Variants in ALK observed in about 807,000 individuals in gnomAD.
ALK encodes ALK tyrosine kinase receptor.
A neutral mutation model predicts 163.1 loss-of-function variants in ALK; 74 were observed. The observed-to-expected ratio is 0.45, with a 90% CI of 0.38 to 0.55. The LOEUF (loss-of-function observed/expected upper bound fraction) is 0.55. ALK is among the 20% of genes least tolerant of loss of function. The pLI, the probability that ALK is intolerant of heterozygous loss-of-function variation, is 0.00. For synonymous variants in ALK, 960 were observed against 843.2 expected (o/e 1.14, Z -2.40); for missense variants, 2,063 against 2,105.3 (o/e 0.98, Z 0.39).
intron 11 of ALK, among the ~76,000 whole-genome samples, chr2:29,255,617 C>T (rs1050686048): frequency 2.6e-5 from 4 of 152,106 alleles, no homozygotes; most frequent in Admixed American, 1.3e-4. Flanking sequence ...TCCTCCTTCT[C>T]GGTCCAAGGG....
intron 3 of ALK, among the ~76,000 whole-genome samples, chr2:29,579,570 C>T (rs1053870661): frequency 2.6e-5 from 4 of 152,332 alleles, no homozygotes; most frequent in African/African-American, 9.6e-5. Context: ...GCGATGTCCT[C>T]TATACACTTT....
At chr2:29,846,202 C>T (rs1665838632) in intron 1 of ALK, among the ~76,000 whole-genome samples, 2 of 152,286 alleles carry the variant, frequency 1.3e-5, no homozygotes, top group South Asian at 2.1e-4. Context: ...CTTGAACACA[C>T]CACGCTGGTT....
At chr2:29,718,018 T>C (rs1679312407) in intron 1 of ALK, among the ~76,000 whole-genome samples, 2 of 152,204 alleles carry the variant, frequency 1.3e-5, no homozygotes, top group Admixed American at 6.5e-5. Context: ...CTGCCTATAA[T>C]AATTTGTGCA....
intron 1 of ALK, among the ~76,000 whole-genome samples, chr2:29,778,875 G>T (rs1681253831): frequency 6.6e-6 from 1 of 152,254 alleles, no homozygotes; most frequent in Non-Finnish European, 1.5e-5. Flanking sequence ...AAACCTTAAG[G>T]CCGGGTGCGG....
chr2:29,507,069 C>T (rs1367876565), intron 4 of ALK, among the ~76,000 whole-genome samples: 1 of 152,152 alleles, frequency 6.6e-6, no homozygotes, highest in Non-Finnish European at 1.5e-5. Context: ...GAGGTATTTG[C>T]ACAACCATGA....
At chr2:29,473,622 G>A (rs995314384) in intron 4 of ALK, among the ~76,000 whole-genome samples, 2 of 152,048 alleles carry the variant, frequency 1.3e-5, no homozygotes, top group African/African-American at 4.8e-5. Context: ...ATAAGCATAT[G>A]AAAGGTGTTC....
At chr2:29,284,865 TCTC>T (rs1362231130) in intron 9 of ALK, among the ~76,000 whole-genome samples, 1 of 152,148 alleles carries the variant, frequency 6.6e-6, no homozygotes, top group African/African-American at 2.4e-5. Flanking sequence ...CCGCATCTCT[TCTC>T]CTCTTCTTGA....
intron 4 of ALK, among the ~76,000 whole-genome samples, chr2:29,519,649 T>C (rs572089905): frequency 2.2e-4 from 33 of 152,160 alleles, no homozygotes; most frequent in Non-Finnish European, 3.1e-4. Flanking sequence ...AGAAAGTTGA[T>C]AGACAAGTGA....
intron 3 of ALK, among the ~76,000 whole-genome samples, chr2:29,583,353 T>C (rs1264829316): frequency 6.6e-6 from 1 of 152,142 alleles, no homozygotes; most frequent in African/African-American, 2.4e-5. Context: ...TCTCTGTTAG[T>C]CATACAGATA....
In ALK at chr2:29,880,924, A is replaced by G. The variant is rs537645225; in HGVS notation, c.667+39069T>C. ...AGCTCTCTGGATTAAAGGGTCTCTA[A>G]ATTTCCTTCCAGAGTTAACTTTTTA... On this transcript the variant is annotated intron_variant, in intron 1 of 28. Coordinates refer to ENST00000389048, the MANE Select transcript of ALK (RefSeq NM_004304.5). Among the ~76,000 whole-genome samples the G allele has an allele frequency of 2.6e-4, 40 of 152,244 alleles. No individual in the cohort carries two copies. In the East Asian group the frequency reaches 6.0e-3, roughly 23 times the overall value.
chr2:29,634,264 A>G (rs1676462472), intron 3 of ALK, among the ~76,000 whole-genome samples: 1 of 152,152 alleles, frequency 6.6e-6, no homozygotes, highest in Non-Finnish European at 1.5e-5. Flanking sequence ...CTGGTTTCCA[A>G]TTCATTTTAT....
intron 4 of ALK, among the ~76,000 whole-genome samples, chr2:29,472,095 G>A (rs1457798762): frequency 6.6e-6 from 1 of 152,182 alleles, no homozygotes; most frequent in Non-Finnish European, 1.5e-5. Flanking sequence ...CTGTCTTGCA[G>A]GACGGTCACC....
rs2148166304 is a variant in ALK, at chr2:29,220,714, G to A, written c.3637C>T (p.Pro1213Ser). ...DLKSFLRETR[P>S]RPSQPSSLAM... ...GACTGGTTCTCACTCACCGGGCGAG[G>A]GCGGGTCTCTCGGAGGAAGGACTTG... The change falls in exon 23 of 29, where the codon CCT (proline) becomes TCT (serine). Residue 1213 changes from proline to serine, a missense_variant. Pro to Ser is a moderately conservative substitution (Grantham distance 74). Around this residue, in one of 5 missense-constraint regions of ALK, gnomAD observed 575 missense variants for 626.6 expected, o/e 0.92. Transcript: ENST00000389048. 6.2e-7 allele frequency: 1 copy of A among 1,613,740 alleles called. No individual in the cohort carries two copies. The highest frequency in any genetic ancestry group is 8.5e-7 in the Non-Finnish European group (1 of 1,179,756).
intron 1 of ALK, among the ~76,000 whole-genome samples, chr2:29,864,490 T>C (rs1360216999): frequency 7.9e-5 from 12 of 152,224 alleles, no homozygotes; most frequent in African/African-American, 2.7e-4. Flanking sequence ...AGTGTTTTTG[T>C]CTCCTTCTAC....
At chr2:29,717,514 TCA>T in intron 2 of ALK, 62 bp downstream of exon 2, 1 of 1,598,428 alleles carries the variant, frequency 6.3e-7, no homozygotes, top group Middle Eastern at 1.7e-4. Context: ...AAACTGAAAC[TCA>T]CAGAGTCCTT....
In ALK at chr2:29,202,039, A is replaced by C. The variant is rs558558471; in HGVS notation, c.3939-4363T>G. ...GTTTAGAATAAAATCCACATCCCCC[A>C]TCTGAGTTCCAAGGCCGTCTGTGTT... is the stretch of plus-strand genomic sequence containing the variant. On this transcript the variant is annotated intron_variant, in intron 26 of 28. Coordinates refer to ENST00000389048, the MANE Select transcript of ALK (RefSeq NM_004304.5). Among the ~76,000 whole-genome samples, 3 of 152,122 alleles carry C rather than the reference A, an allele frequency of 2.0e-5. No individual in the cohort carries two copies. In the South Asian group the frequency reaches 6.2e-4, roughly 32 times the overall value.
chr2:29,725,280 T>C (rs764058220), intron 1 of ALK, among the ~76,000 whole-genome samples: 2 of 151,864 alleles, frequency 1.3e-5, no homozygotes, highest in Non-Finnish European at 2.9e-5. Context: ...TCAGAATCCT[T>C]CCTTTCACAT....
rs116528779 is a variant in ALK at position 29,478,853 on chromosome 2, A to T, written c.1154+53062T>A. 3.7e-3 allele frequency among the ~76,000 whole-genome samples: 565 copies of T among 152,320 alleles called. 3 individuals are homozygous for T. Among genetic ancestry groups the T allele is most frequent in the African/African-American group, 0.012 (502 of 41,572 alleles). On this transcript the variant is annotated intron_variant, in intron 4 of 28. Transcript: ENST00000389048. ...TTGTGGGAATGGTAGGGGCAGGTGC[A>T]GAGGGTGGGAGCATAGCTGGCTTGT...
At chr2:29,852,250 C>T (rs540846553) in intron 1 of ALK, among the ~76,000 whole-genome samples, 1 of 152,212 alleles carries the variant, frequency 6.6e-6, no homozygotes, top group South Asian at 2.1e-4. Context: ...ATTTTCATGG[C>T]ATGGCAGCCT....
Sources: allele counts gnomAD v4.1 joint callset (sites outside exome capture counted in the v4.1 genomes callset), GRCh38; gene constraint gnomAD v4.1.1; regional missense constraint gnomAD v4.1.1; transcripts MANE v1.5; gene names NCBI Gene and HGNC (gene_info 2026-07-23, HGNC 2026-07-21).